Variants in MGLL observed in about 807,000 individuals in gnomAD.
The protein encoded by MGLL is monoglyceride lipase.
In MGLL, 7 loss-of-function variants were observed where a neutral mutation model predicts 29.1. That is an observed-to-expected ratio of 0.24 (90% confidence interval 0.14 to 0.45). MGLL has a LOEUF of 0.45. Among genes scored for constraint, MGLL ranks in the 20% least tolerant of loss-of-function variants. The probability of loss-of-function intolerance (pLI) is 0.99; values close to 1 mark genes in which losing one functional copy is unlikely to be tolerated. For synonymous variants in MGLL, 148 were observed against 168.3 expected (o/e 0.88, Z 0.93); for missense variants, 356 against 413.6 (o/e 0.86, Z 1.21).
At chr3:127,701,241 C>A (rs1185287860) in intron 6 of MGLL, among the ~76,000 whole-genome samples, 7 of 90,052 alleles carry the variant, frequency 7.8e-5, no homozygotes, top group African/African-American at 1.3e-4. Flanking sequence ...AAAGCCACCA[C>A]CAACAACAAT....
intron 3 of MGLL, among the ~76,000 whole-genome samples, chr3:127,765,375 C>T (rs2076838682): frequency 6.6e-6 from 1 of 152,182 alleles, no homozygotes; most frequent in Admixed American, 6.5e-5. Context: ...GGGGTAAATT[C>T]CTTCTGAAAG....
chr3:127,746,168 G>C (rs2076438259), intron 3 of MGLL, among the ~76,000 whole-genome samples: 1 of 152,138 alleles, frequency 6.6e-6, no homozygotes, highest in African/African-American at 2.4e-5. Context: ...TGAGGATGGA[G>C]CTGAGGCCAG....
Position 127,689,263 on chromosome 3 carries a change from AAG to A in MGLL, c.*2933_*2934del, listed in dbSNP as rs1254302803. 6.6e-6 allele frequency: 1 copy of A among 152,214 alleles called. No homozygotes were observed. The highest frequency in any genetic ancestry group is 1.9e-4 in the East Asian group (1 of 5,198). The allele number at this position is 152,214 out of a possible 1,614,324, so 9.4% of individuals were successfully genotyped here. A position where few individuals can be genotyped will look rare whatever the true frequency, so the allele number is the denominator to read the frequency against. On this transcript the variant is annotated 3_prime_UTR_variant, in exon 8 of 8. Transcript: ENST00000265052. ...CTATGTTAGCAATTGGTGAAAGAAG[AAG>A]AGAGTGAGATGGGACCCAGGTGGGC...
At chr3:127,815,897 C>T (rs1171433498) in intron 2 of MGLL, among the ~76,000 whole-genome samples, 1 of 152,200 alleles carries the variant, frequency 6.6e-6, no homozygotes, top group African/African-American at 2.4e-5. Context: ...CTTTCCCCAC[C>T]CTGGCGCCCA....
At chr3:127,777,342 T>C (rs1396255134) in intron 3 of MGLL, among the ~76,000 whole-genome samples, 2 of 152,202 alleles carry the variant, frequency 1.3e-5, no homozygotes, top group Non-Finnish European at 2.9e-5. Context: ...ATGGCAGAGA[T>C]GGATAGCCAT....
intron 6 of MGLL, among the ~76,000 whole-genome samples, chr3:127,696,860 C>G (rs999979807): frequency 6.6e-6 from 1 of 152,280 alleles, no homozygotes; most frequent in South Asian, 2.1e-4. Context: ...CCCGGGCAAC[C>G]AGGGTGCCCA....
intron 3 of MGLL, among the ~76,000 whole-genome samples, chr3:127,724,698 G>A (rs1384601600): frequency 6.6e-6 from 1 of 152,116 alleles, no homozygotes; most frequent in Non-Finnish European, 1.5e-5. Context: ...TCTAAAGCCT[G>A]AGGGCTGGCT....
rs560802017 is a variant in MGLL at position 127,788,843 on chromosome 3, G to C, written c.156-6948C>G. ...TCCTGGTGTCCTGTCCCTAGCAGCC[G>C]GCACTGCCTCTGCTCCATGAACACT... On this transcript the variant is annotated intron_variant, in intron 2 of 7. Transcript: ENST00000265052. Among the ~76,000 whole-genome samples the C allele has an allele frequency of 1.4e-4, 22 of 152,248 alleles. No individual in the cohort carries two copies. The South Asian group carries it at 4.4e-3, about 30-fold the overall frequency.
In MGLL at chr3:127,692,381, C is replaced by T. The variant is rs114825515; in HGVS notation, c.817-58G>A. ...CACCATCAGAGGCAGGTGCAGGGAG[C>T]GGAGACCGTGGGCAGTGGGCAGGGG... On this transcript the variant is annotated intron_variant, in intron 7 of 7. Coordinates refer to ENST00000265052, the MANE Select transcript of MGLL (RefSeq NM_007283.7). 1.6e-3 allele frequency: 2,536 copies of T among 1,607,174 alleles called. 27 individuals carry two copies. The African/African-American group carries it at 0.026, about 17-fold the overall frequency.
At chr3:127,731,328 T>C (rs957706859) in intron 3 of MGLL, among the ~76,000 whole-genome samples, 6 of 139,770 alleles carry the variant, frequency 4.3e-5, no homozygotes, top group Admixed American at 3.7e-4. Context: ...GCTCTCTTGG[T>C]GGCTTTTATT....
At chr3:127,735,991 G>T in intron 3 of MGLL, 4 of 1,420,326 alleles carry the variant, frequency 2.8e-6, no homozygotes, top group Non-Finnish European at 2.7e-6. Flanking sequence ...GTTCCTTCAC[G>T]CTAAAAGCTC....
intron 5 of MGLL, among the ~76,000 whole-genome samples, chr3:127,716,511 C>T (rs1202868012): frequency 6.6e-6 from 1 of 152,254 alleles, no homozygotes; most frequent in African/African-American, 2.4e-5. Flanking sequence ...CAGTCATCCA[C>T]AAATAGGGCA....
chr3:127,807,048 G>T (rs2077579317), intron 2 of MGLL, among the ~76,000 whole-genome samples: 1 of 152,144 alleles, frequency 6.6e-6, no homozygotes, highest in African/African-American at 2.4e-5. Context: ...TTTTTGGAAA[G>T]GTTTGTGAGA....
chr3:127,695,580 G>C (rs1342428203), intron 6 of MGLL, among the ~76,000 whole-genome samples: 3 of 151,988 alleles, frequency 2.0e-5, no homozygotes, highest in African/African-American at 7.2e-5. Flanking sequence ...TTGTATTTTT[G>C]TAAAAATACA....
chr3:127,702,758 G>A (rs535168873), intron 6 of MGLL, among the ~76,000 whole-genome samples: 22 of 152,270 alleles, frequency 1.4e-4, no homozygotes, highest in South Asian at 2.1e-4. Context: ...GCAGTGGTGC[G>A]ATCTTGGCTC....
intron 2 of MGLL, among the ~76,000 whole-genome samples, chr3:127,815,920 A>T (rs980426794): frequency 6.6e-6 from 1 of 152,176 alleles, no homozygotes; most frequent in Admixed American, 6.5e-5. Flanking sequence ...GACCATGTAG[A>T]CGTCAATAAG....
At chr3:127,791,759 A>G (rs2077304165) in intron 2 of MGLL, among the ~76,000 whole-genome samples, 1 of 152,246 alleles carries the variant, frequency 6.6e-6, no homozygotes, top group South Asian at 2.1e-4. Context: ...TCAAGGCAAG[A>G]GGAGCATGAG....
intron 5 of MGLL, chr3:127,715,710 G>A (rs1467714093): frequency 4.4e-6 from 2 of 456,738 alleles, no homozygotes; most frequent in Non-Finnish European, 4.4e-6. Flanking sequence ...GGAAGCAGTG[G>A]GGAAGGAAGG....
intron 5 of MGLL, chr3:127,712,793 G>C (rs1238994211): frequency 6.6e-6 from 1 of 152,358 alleles, no homozygotes; most frequent in Non-Finnish European, 1.5e-5. Flanking sequence ...AGTATCATGG[G>C]CCAGCTCCAA....
Sources: gnomAD v4.1 joint callset for allele counts (sites outside exome capture counted in the v4.1 genomes callset) on GRCh38, gnomAD v4.1.1 for gene constraint, MANE v1.5 for transcripts, NCBI Gene and HGNC (gene_info 2026-07-23, HGNC 2026-07-21) for gene names.